The following ENKUR variants were observed in gnomAD, a reference collection of about 807,000 sequenced individuals.
ENKUR encodes the protein enkurin, TRPC channel interacting protein.
ENKUR carries 19 observed loss-of-function variants against 27.6 expected under a neutral mutation model. The ratio of observed to expected loss-of-function variants is 0.69; its 90% CI spans 0.48 to 1.01. ENKUR has a LOEUF of 1.01. Among genes scored for constraint, ENKUR ranks in the 50% least tolerant of loss-of-function variants. The pLI is 0.00. For missense variants in ENKUR, 312 were observed against 310.5 expected, an observed-to-expected ratio of 1.00 and a Z score of -0.04; for synonymous variants, 117 against 96.9, an observed-to-expected ratio of 1.21 and a Z score of -1.22.
At chr10:25,051,312 C>G (rs547373753) in intron 2 of ENKUR, among the ~76,000 whole-genome samples, 1 of 152,292 alleles carries the variant, frequency 6.6e-6, no homozygotes, top group African/African-American at 2.4e-5. Flanking sequence ...TACATATGTT[C>G]CTATTCCTGC....
intron 2 of ENKUR, among the ~76,000 whole-genome samples, chr10:25,044,075 T>C (rs897620344): frequency 6.6e-6 from 1 of 152,160 alleles, no homozygotes; most frequent in African/African-American, 2.4e-5. Flanking sequence ...CTGTTTCTAT[T>C]GATTGATTAT....
chr10:25,029,198 A>G (rs1167393526), intron 2 of ENKUR, among the ~76,000 whole-genome samples: 3 of 152,204 alleles, frequency 2.0e-5, no homozygotes, highest in Non-Finnish European at 2.9e-5. Context: ...AATAGCATGT[A>G]AAACCATTTT....
chr10:25,023,309 C>T (rs760568760), intron 2 of ENKUR: 1 of 1,614,074 alleles, frequency 6.2e-7, no homozygotes, highest in South Asian at 1.1e-5. Context: ...GATAAACATG[C>T]ACAGCGATTT....
rs1485586915 is a variant in ENKUR at position 25,025,270 on chromosome 10, G to T, written c.38-29401C>A. 12 of 1,614,046 alleles carry T rather than the reference G, an allele frequency of 7.4e-6. No homozygotes were observed. In the Admixed American group the frequency reaches 1.0e-4, roughly 13 times the overall value. Reference sequence around the variant, plus strand: ...TATCATGCAGGCTTTAAAGATTAAAGAAATCAATGAGACTTCATCAAGTCA... The same window carrying T: ...TATCATGCAGGCTTTAAAGATTAAATAAATCAATGAGACTTCATCAAGTCA... On this transcript the variant is annotated intron_variant, in intron 2 of 5. Coordinates refer to the ENKUR transcript ENST00000615958.
chr10:25,050,083 C>T (rs758944880), intron 2 of ENKUR, among the ~76,000 whole-genome samples: 56 of 151,986 alleles, frequency 3.7e-4, no homozygotes, highest in Admixed American at 3.9e-4. Context: ...AGGGGGATGT[C>T]CCAGGCTTTT....
rs372172030 is a variant in ENKUR at position 25,024,626 on chromosome 10, C to T, written c.38-28757G>A. 3 of 1,614,110 alleles carry T rather than the reference C, an allele frequency of 1.9e-6. No homozygotes were observed. The African/African-American group carries it at 4.0e-5, about 22-fold the overall frequency. The stretch of plus-strand genomic sequence containing the variant: ...GAATATGGAACAATCTTAAGTTCGG[C>T]TAACTCCATAAACTGGGGCCGACTA... On this transcript the variant is annotated intron_variant, in intron 2 of 5. Transcript: ENST00000615958.
chr10:25,045,389 G>A (rs1851111595), intron 2 of ENKUR, among the ~76,000 whole-genome samples: 1 of 152,072 alleles, frequency 6.6e-6, no homozygotes, highest in African/African-American at 2.4e-5. Context: ...AGGATAATAT[G>A]ATATTAACAA....
intron 2 of ENKUR, among the ~76,000 whole-genome samples, chr10:25,032,283 A>C (rs1249900606): frequency 6.8e-6 from 1 of 146,064 alleles, no homozygotes; most frequent in Non-Finnish European, 1.5e-5. Context: ...CTGGAAAGAA[A>C]TCCTCCAGGG....
intron 1 of ENKUR, among the ~76,000 whole-genome samples, chr10:25,002,499 G>A (rs1278713952): frequency 2.6e-5 from 4 of 152,124 alleles, no homozygotes; most frequent in Non-Finnish European, 4.4e-5. Context: ...TGGGGCAGTC[G>A]TAGGGCTTGC....
At chr10:25,030,043 A>G (rs1322149672) in intron 2 of ENKUR, among the ~76,000 whole-genome samples, 2 of 152,188 alleles carry the variant, frequency 1.3e-5, no homozygotes, top group African/African-American at 4.8e-5. Context: ...AGGTAATCCA[A>G]CGATTTTATC....
Position 24,995,020 on chromosome 10 carries a change from CA to C in ENKUR, c.447+625del, listed in dbSNP as rs375997595. ...TGGGAAACAGCATGAGAATATGTCT[CA>C]AAAAAAATCTATATTTAAACTATAA... On this transcript the variant is annotated intron_variant, in intron 3 of 5. Transcript: ENST00000331161. Among the ~76,000 whole-genome samples the C allele has an allele frequency of 2.7e-3, 415 of 151,766 alleles. 1 individual carries two copies. Among genetic ancestry groups the C allele is most frequent in the South Asian group, 7.5e-3 (36 of 4,796 alleles).
rs185001958 is a variant in ENKUR, at chr10:25,034,650, A to G, written c.37+26462T>C. ...ATTATAGTTAAACAACTGCCAAGTC[A>G]ACATGGGTCATTACCAGAAAATAAC... is the stretch of plus-strand genomic sequence containing the variant. On this transcript the variant is annotated intron_variant, in intron 2 of 5. Transcript: ENST00000615958. Among the ~76,000 whole-genome samples, 621 of 152,352 alleles carry G rather than the reference A, an allele frequency of 4.1e-3. 2 individuals are homozygous for G. Among genetic ancestry groups the G allele is most frequent in the Non-Finnish European group, 7.6e-3 (514 of 68,022 alleles).
chr10:25,001,746 G>A (rs1409103386), intron 1 of ENKUR, among the ~76,000 whole-genome samples: 1 of 151,870 alleles, frequency 6.6e-6, no homozygotes, highest in Non-Finnish European at 1.5e-5. Context: ...CCCCATCTTG[G>A]TTCATGCTTT....
At chr10:25,002,665 G>A (rs562479784) in intron 1 of ENKUR, among the ~76,000 whole-genome samples, 5 of 152,186 alleles carry the variant, frequency 3.3e-5, no homozygotes, top group East Asian at 1.9e-4. Context: ...CAGCTATACC[G>A]CTTTTGTAAC....
intron 2 of ENKUR, among the ~76,000 whole-genome samples, chr10:25,051,429 G>A (rs181313168): frequency 1.1e-4 from 16 of 151,776 alleles, no homozygotes; most frequent in Admixed American, 9.2e-4. Flanking sequence ...TGGTTCTGCA[G>A]GCTGTACAGG....
intron 1 of ENKUR, among the ~76,000 whole-genome samples, chr10:25,009,260 A>T (rs1284053729): frequency 6.6e-6 from 1 of 152,224 alleles, no homozygotes; most frequent in East Asian, 1.9e-4. Context: ...TATAATAAAA[A>T]AAAAAGTATG....
intron 2 of ENKUR, chr10:25,025,094 G>A: frequency 6.2e-7 from 1 of 1,614,194 alleles, no homozygotes. Context: ...GAGGGAGAGT[G>A]CCTAGCAGCT....
At chr10:24,994,306 G>T (rs1588651624) in intron 3 of ENKUR, among the ~76,000 whole-genome samples, 1 of 138,652 alleles carries the variant, frequency 7.2e-6, no homozygotes, top group African/African-American at 2.7e-5. Context: ...TCTTCTTGAT[G>T]CAACTTATTA....
chr10:25,029,221 TAAA>T (rs1850905704), intron 2 of ENKUR, among the ~76,000 whole-genome samples: 2 of 152,326 alleles, frequency 1.3e-5, no homozygotes, highest in East Asian at 3.9e-4. Flanking sequence ...ATGTCAACAT[TAAA>T]AATCTATGAG....
Sources: gnomAD v4.1 joint callset for allele counts (sites outside exome capture counted in the v4.1 genomes callset) on GRCh38, gnomAD v4.1.1 for gene constraint, MANE v1.5 for transcripts, NCBI Gene and HGNC (gene_info 2026-07-23, HGNC 2026-07-21) for gene names.